SYTL5: variants seen among roughly 807,000 people sequenced by gnomAD.
SYTL5 encodes the protein synaptotagmin-like protein 5.
In SYTL5, 34 loss-of-function variants were observed where a neutral mutation model predicts 55.9. That is an observed-to-expected ratio of 0.61 (90% CI 0.46 to 0.81). The LOEUF (loss-of-function observed/expected upper bound fraction) is 0.81. Ranked by LOEUF, SYTL5 falls within the 30% of genes least tolerant of loss-of-function variation. The probability of loss-of-function intolerance (pLI) is 0.00; values close to 1 mark genes in which losing one functional copy is unlikely to be tolerated. For missense variants in SYTL5, 637 were observed against 546.7 expected, an observed-to-expected ratio of 1.17 and a Z score of -1.65; for synonymous variants, 221 against 188.7, an observed-to-expected ratio of 1.17 and a Z score of -1.40.
chrX:37,969,664 G>C, the SYTL5 span, among the ~76,000 whole-genome samples: 4 of 111,910 alleles, frequency 3.6e-5, no homozygotes, highest in African/African-American at 1.3e-4. Flanking sequence ...ACCGAGTCTT[G>C]CTCTGTCGCC....
At chrX:37,911,025 G>A in the SYTL5 span, among the ~76,000 whole-genome samples, 1 of 101,756 alleles carries the variant, frequency 9.8e-6, no homozygotes, top group Non-Finnish European at 2.0e-5. Flanking sequence ...GAGTGCAGCG[G>A]CGCCATCTCA....
rs764016273 is a variant in SYTL5, at chrX:38,127,350, A to C, written c.*620A>C. 1.8e-5 allele frequency: 2 copies of C among 112,377 alleles called. No individual in the cohort carries two copies. Among genetic ancestry groups the C allele is most frequent in the East Asian group, 2.8e-4 (1 of 3,585 alleles). The allele number at this position is 112,377 out of a possible 1,213,427, so 9.3% of individuals were successfully genotyped here. ...AGAACAAAGAGAGCTAAATAACTAC[A>C]TCAGAACGATTGATGTTGATTAGAA... On this transcript the variant is annotated 3_prime_UTR_variant, in exon 17 of 17. Coordinates refer to ENST00000297875, the MANE Select transcript of SYTL5 (RefSeq NM_138780.3).
chrX:38,038,535 T>C (rs889005535), intron 2 of SYTL5, among the ~76,000 whole-genome samples: 1 of 112,282 alleles, frequency 8.9e-6, no homozygotes, highest in African/African-American at 3.2e-5. Context: ...GCTATAGAGG[T>C]ACAAATGGAT....
rs191442846 is a variant in SYTL5, at chrX:38,118,160, T to C, written c.1597-2198T>C. ...CCTGATCTAAAATAATCAGATTAAA[T>C]ATTAGATGGATAGTCTATTTTACCA... On this transcript the variant is annotated intron_variant, in intron 13 of 16. Transcript: ENST00000297875. 2.0e-4 allele frequency among the ~76,000 whole-genome samples: 22 copies of C among 111,818 alleles called. No individual in the cohort carries two copies. In the East Asian group the frequency reaches 6.1e-3, roughly 31 times the overall value.
chrX:37,966,264 T>G, the SYTL5 span, among the ~76,000 whole-genome samples: 1 of 110,477 alleles, frequency 9.1e-6, no homozygotes, highest in Admixed American at 9.7e-5. Context: ...TCTGTCTCTC[T>G]TATTTTTGTT....
chrX:38,069,072 A>G (rs908458352), intron 3 of SYTL5, among the ~76,000 whole-genome samples: 1 of 111,476 alleles, frequency 9.0e-6, no homozygotes, highest in African/African-American at 3.3e-5. Context: ...TACAAAATAG[A>G]TGATGGGGTG....
the SYTL5 span, among the ~76,000 whole-genome samples, chrX:37,902,674 T>C: frequency 0.014 from 1,505 of 110,781 alleles, 27 homozygotes; most frequent in African/African-American, 0.047. Flanking sequence ...TCCGCCAAAA[T>C]AAAACAAAAC....
At chrX:38,028,496 A>G (rs1251340572) in intron 1 of SYTL5, among the ~76,000 whole-genome samples, 1 of 112,484 alleles carries the variant, frequency 8.9e-6, no homozygotes, top group East Asian at 2.8e-4. Flanking sequence ...TTTTGTTCAC[A>G]AGAGTACACT....
chrX:38,104,999 T>A lies in SYTL5; in HGVS notation c.1156-1594T>A, dbSNP rs763119680. Among the ~76,000 whole-genome samples, 4 of 112,555 alleles carry A rather than the reference T, an allele frequency of 3.6e-5. No individual in the cohort carries two copies. The South Asian group carries it at 1.1e-3, about 31-fold the overall frequency. On this transcript the variant is annotated intron_variant, in intron 10 of 16. Coordinates refer to ENST00000297875, the MANE Select transcript of SYTL5 (RefSeq NM_138780.3). ...TGGCTTCTCTTTGACATATGTAAAT[T>A]ACTACCATCATTACTCTTACACTGT...
intron 2 of SYTL5, among the ~76,000 whole-genome samples, chrX:38,046,481 T>A (rs1276401671): frequency 9.0e-6 from 1 of 111,331 alleles, no homozygotes; most frequent in African/African-American, 3.3e-5. Flanking sequence ...TTCACTATCA[T>A]GAGAATAGCA....
chrX:38,123,802 T>G (rs1272841284), intron 15 of SYTL5, among the ~76,000 whole-genome samples: 1 of 112,200 alleles, frequency 8.9e-6, no homozygotes, highest in East Asian at 2.8e-4. Context: ...AACTTTCCGG[T>G]AAATTCTGTC....
chrX:37,983,363 A>G, the SYTL5 span, among the ~76,000 whole-genome samples: 1 of 112,246 alleles, frequency 8.9e-6, no homozygotes, highest in South Asian at 3.7e-4. Flanking sequence ...AAATAACCAC[A>G]AGAAAGCTGG....
the SYTL5 span, among the ~76,000 whole-genome samples, chrX:37,910,493 T>C: frequency 2.4e-4 from 27 of 112,271 alleles, no homozygotes; most frequent in East Asian, 8.4e-4. Flanking sequence ...AAAGAAACCA[T>C]TGGACAAGTA....
chrX:37,939,141 A>G, the SYTL5 span, among the ~76,000 whole-genome samples: 1 of 109,481 alleles, frequency 9.1e-6, no homozygotes, highest in Admixed American at 9.8e-5. Flanking sequence ...GGTGCTTGTA[A>G]TCTCAGCTAC....
the SYTL5 span, among the ~76,000 whole-genome samples, chrX:37,956,453 C>G: frequency 8.9e-6 from 1 of 112,007 alleles, no homozygotes; most frequent in East Asian, 2.8e-4. Flanking sequence ...GCCCATTTCC[C>G]CCTGCCAGTC....
chrX:38,121,376 T>G (rs974688695), intron 14 of SYTL5, among the ~76,000 whole-genome samples: 2 of 111,950 alleles, frequency 1.8e-5, no homozygotes, highest in African/African-American at 6.5e-5. Context: ...CCATTCACTA[T>G]TACTCTTTTC....
At chrX:37,991,378 G>A in the SYTL5 span, 3 of 770,861 alleles carry the variant, frequency 3.9e-6, no homozygotes, top group Non-Finnish European at 5.4e-6. Context: ...AGACATCCAG[G>A]GGAAGCTATC....
At chrX:38,019,817 C>T (rs903749166) in intron 1 of SYTL5, among the ~76,000 whole-genome samples, 2 of 110,352 alleles carry the variant, frequency 1.8e-5, no homozygotes, top group African/African-American at 6.6e-5. Context: ...TTATTTATAG[C>T]AGAGATGAGA....
the SYTL5 span, among the ~76,000 whole-genome samples, chrX:37,990,039 A>ATTATTT: frequency 1.5e-4 from 16 of 109,665 alleles, no homozygotes; most frequent in African/African-American, 2.0e-4. Flanking sequence ...CGCCCGGCTA[A>ATTATTT]TTATTTTTAT....
Sources: gnomAD v4.1 joint callset for allele counts (sites outside exome capture counted in the v4.1 genomes callset) on GRCh38, gnomAD v4.1.1 for gene constraint, MANE v1.5 for transcripts, NCBI Gene and HGNC (gene_info 2026-07-23, HGNC 2026-07-21) for gene names.